TSPAN18: variants seen among roughly 807,000 people sequenced by gnomAD.
TSPAN18 encodes tetraspanin-18.
In TSPAN18, 14 loss-of-function variants were observed where a neutral mutation model predicts 27.3. The observed-to-expected ratio is 0.51, with a 90% CI of 0.34 to 0.80. The LOEUF (loss-of-function observed/expected upper bound fraction) is 0.80. Among genes scored for constraint, TSPAN18 ranks in the 30% least tolerant of loss-of-function variants. The pLI is 0.01. For synonymous variants in TSPAN18, 143 were observed against 136.5 expected (o/e 1.05, Z -0.33); for missense variants, 268 against 323.9 (o/e 0.83, Z 1.32).
intron 2 of TSPAN18, among the ~76,000 whole-genome samples, chr11:44,851,067 G>GTTATTAACC (rs1348516374): frequency 6.6e-6 from 1 of 152,212 alleles, no homozygotes; most frequent in Admixed American, 6.5e-5. Context: ...CTTGGTCAGC[G>GTTATTAACC]TTATTAACCT....
intron 3 of TSPAN18, among the ~76,000 whole-genome samples, chr11:44,905,030 A>G (rs1335709830): frequency 6.6e-6 from 1 of 152,196 alleles, no homozygotes; most frequent in Non-Finnish European, 1.5e-5. Flanking sequence ...CTGGATCCCC[A>G]AACAGTGGCT....
chr11:44,830,498 G>T (rs1265401547), intron 2 of TSPAN18, among the ~76,000 whole-genome samples: 2 of 152,216 alleles, frequency 1.3e-5, no homozygotes, highest in African/African-American at 4.8e-5. Flanking sequence ...GACAAGGGAA[G>T]GGGAAATATT....
At chr11:44,828,439 A>G (rs1483752888) in intron 2 of TSPAN18, among the ~76,000 whole-genome samples, 1 of 152,132 alleles carries the variant, frequency 6.6e-6, no homozygotes, top group Non-Finnish European at 1.5e-5. Context: ...CCTTACCTAT[A>G]GGAGGATGAA....
chr11:44,791,029 A>G (rs1229564605), intron 2 of TSPAN18, among the ~76,000 whole-genome samples: 1 of 152,086 alleles, frequency 6.6e-6, no homozygotes, highest in Non-Finnish European at 1.5e-5. Context: ...TTCTCTCCAG[A>G]CCCTCAAGAA....
intron 2 of TSPAN18, among the ~76,000 whole-genome samples, chr11:44,769,908 T>C (rs1436954720): frequency 6.6e-6 from 1 of 152,088 alleles, no homozygotes; most frequent in Non-Finnish European, 1.5e-5. Context: ...CTGAAGGCTA[T>C]GTTTTAATCG....
chr11:44,743,057 C>T (rs1252454908), intron 1 of TSPAN18, among the ~76,000 whole-genome samples: 2 of 152,184 alleles, frequency 1.3e-5, no homozygotes, highest in Non-Finnish European at 2.9e-5. Flanking sequence ...GAGTCCTCCC[C>T]TGGGGACCGG....
intron 8 of TSPAN18, among the ~76,000 whole-genome samples, chr11:44,924,246 G>A (rs1860262922): frequency 6.6e-6 from 1 of 150,386 alleles, no homozygotes; most frequent in African/African-American, 2.5e-5. Context: ...AACAGGCATT[G>A]AGATTGAGAG....
intron 3 of TSPAN18, among the ~76,000 whole-genome samples, chr11:44,887,094 A>ATT (rs1858682197): frequency 6.6e-6 from 1 of 152,194 alleles, no homozygotes; most frequent in Non-Finnish European, 1.5e-5. Context: ...TTTGATTTTT[A>ATT]TTTTTTATTA....
intron 2 of TSPAN18, among the ~76,000 whole-genome samples, chr11:44,770,897 G>T (rs1460100965): frequency 1.3e-5 from 2 of 152,162 alleles, no homozygotes; most frequent in East Asian, 3.9e-4. Context: ...CAAGATGGAA[G>T]AGCCTAGGGT....
chr11:44,824,666 G>A (rs1453224202), intron 2 of TSPAN18, among the ~76,000 whole-genome samples: 1 of 152,272 alleles, frequency 6.6e-6, no homozygotes, highest in African/African-American at 2.4e-5. Context: ...GGATTCCAGA[G>A]GCCGGCTCCT....
intron 8 of TSPAN18, 119 bp downstream of exon 8, chr11:44,920,118 T>G: frequency 9.4e-7 from 1 of 1,059,062 alleles, no homozygotes; most frequent in Admixed American, 2.9e-5. Context: ...CCCAGGGAAG[T>G]GTTGGCCATG....
intron 1 of TSPAN18, among the ~76,000 whole-genome samples, chr11:44,729,909 T>G (rs1854610684): frequency 6.6e-6 from 1 of 152,174 alleles, no homozygotes; most frequent in African/African-American, 2.4e-5. Flanking sequence ...CTAGCTCTTC[T>G]GAGTCATCCG....
chr11:44,859,294 C>T (rs765740542), intron 2 of TSPAN18, among the ~76,000 whole-genome samples: 11 of 152,180 alleles, frequency 7.2e-5, no homozygotes, highest in Non-Finnish European at 1.5e-4. Flanking sequence ...TGTTCCAGGT[C>T]CCCTGACATG....
At chr11:44,788,456 C>CTTTTTTTT (rs11458938) in intron 2 of TSPAN18, among the ~76,000 whole-genome samples, 2 of 126,780 alleles carry the variant, frequency 1.6e-5, no homozygotes, top group African/African-American at 6.0e-5. Context: ...CTTTTTTTCT[C>CTTTTTTTT]TTTTTTTTTT....
intron 2 of TSPAN18, among the ~76,000 whole-genome samples, chr11:44,782,906 G>C (rs561877501): frequency 6.6e-6 from 1 of 152,252 alleles, no homozygotes; most frequent in African/African-American, 2.4e-5. Flanking sequence ...TTGGCTCACT[G>C]TAGCCTCTGC....
intron 2 of TSPAN18, among the ~76,000 whole-genome samples, chr11:44,851,277 C>T (rs1857594044): frequency 6.6e-6 from 1 of 152,196 alleles, no homozygotes; most frequent in African/African-American, 2.4e-5. Context: ...CCTGCCCCTT[C>T]CTACAGCTCC....
At chr11:44,783,943 T>A (rs900881200) in intron 2 of TSPAN18, among the ~76,000 whole-genome samples, 5 of 152,190 alleles carry the variant, frequency 3.3e-5, no homozygotes, top group African/African-American at 1.2e-4. Flanking sequence ...TCAGCTTCAA[T>A]GTTTCTTCCA....
chr11:44,823,390 T>C (rs12791746), intron 2 of TSPAN18, among the ~76,000 whole-genome samples: 57,366 of 151,998 alleles, frequency 0.38, 11,764 homozygotes, highest in Middle Eastern at 0.49. Context: ...GGGGGCTTTC[T>C]CTCCCCCGAA....
At chr11:44,801,925 G>A (rs998023140) in intron 2 of TSPAN18, among the ~76,000 whole-genome samples, 1 of 152,090 alleles carries the variant, frequency 6.6e-6, no homozygotes, top group Non-Finnish European at 1.5e-5. Context: ...CCAGCTACTC[G>A]GAAGGCTGAG....
Sources: gnomAD v4.1 joint callset for allele counts (sites outside exome capture counted in the v4.1 genomes callset) on GRCh38, gnomAD v4.1.1 for gene constraint, MANE v1.5 for transcripts, NCBI Gene and HGNC (gene_info 2026-07-23, HGNC 2026-07-21) for gene names.